Variants in PTPRD observed in about 807,000 individuals in gnomAD.
PTPRD encodes the protein receptor-type tyrosine-protein phosphatase delta.
Under a neutral mutation model 214.5 loss-of-function variants are expected in PTPRD, and 34 were observed. That is an observed-to-expected ratio of 0.16 (90% CI 0.12 to 0.21). PTPRD has a LOEUF of 0.21. PTPRD is among the 10% of genes least tolerant of loss of function. The pLI is 1.00. For missense variants in PTPRD, 2,545 were observed against 2,398.7 expected, an observed-to-expected ratio of 1.06 and a Z score of -1.27; for synonymous variants, 1,128 against 845.7, an observed-to-expected ratio of 1.33 and a Z score of -5.79.
intron 11 of PTPRD, among the ~76,000 whole-genome samples, chr9:8,826,459 G>A (rs1475180416): frequency 6.6e-6 from 1 of 151,930 alleles, no homozygotes; most frequent in Non-Finnish European, 1.5e-5. Flanking sequence ...GACTCACCCA[G>A]TCCACCACCC....
chr9:10,475,246 A>G (rs1006569215), intron 2 of PTPRD, among the ~76,000 whole-genome samples: 8 of 152,258 alleles, frequency 5.3e-5, no homozygotes, highest in South Asian at 4.1e-4. Flanking sequence ...TAGCCAGACT[A>G]ATAAAGAAGA....
chr9:10,310,477 C>A (rs592682), intron 3 of PTPRD, among the ~76,000 whole-genome samples: 41,927 of 151,636 alleles, frequency 0.28, 7,044 homozygotes, highest in African/African-American at 0.48. Flanking sequence ...CAATATAAAC[C>A]TCATGCAGAT....
At chr9:8,895,993 G>C (rs2154246679) in intron 11 of PTPRD, among the ~76,000 whole-genome samples, 1 of 152,198 alleles carries the variant, frequency 6.6e-6, no homozygotes, top group African/African-American at 2.4e-5. Flanking sequence ...AAAATCAAGA[G>C]AGCTATTTAA....
intron 11 of PTPRD, among the ~76,000 whole-genome samples, chr9:8,849,410 T>C (rs1207113469): frequency 6.6e-6 from 1 of 152,036 alleles, no homozygotes; most frequent in Non-Finnish European, 1.5e-5. Context: ...GTATTTTTAG[T>C]GGAGACGGGG....
At position 8,571,569 on chromosome 9, in the gene PTPRD, T is replaced by C. The variant is rs189603383; in HGVS notation, c.353-42790A>G. Among the ~76,000 whole-genome samples, 5 of 152,270 alleles carry C rather than the reference T, an allele frequency of 3.3e-5. No homozygotes were observed. The East Asian group carries it at 9.7e-4, about 29-fold the overall frequency. On this transcript the variant is annotated intron_variant, in intron 14 of 45. Coordinates refer to ENST00000381196, the MANE Select transcript of PTPRD (RefSeq NM_002839.4). The stretch of plus-strand genomic sequence containing the variant: ...AAATCAATGGTTTTCTTCACAAACC[T>C]TGCTGAGAAAAGCAATATTACTATT...
chr9:8,972,553 G>T (rs776204145), intron 11 of PTPRD, among the ~76,000 whole-genome samples: 50 of 151,846 alleles, frequency 3.3e-4, no homozygotes, highest in Non-Finnish European at 6.9e-4. Flanking sequence ...AGGGAAGAAT[G>T]AAAGAAAAGA....
At chr9:8,645,615 T>C (rs1211330040) in intron 12 of PTPRD, among the ~76,000 whole-genome samples, 1 of 151,970 alleles carries the variant, frequency 6.6e-6, no homozygotes, top group African/African-American at 2.4e-5. Context: ...AAAGGGCTGA[T>C]AGGCACACTG....
intron 11 of PTPRD, among the ~76,000 whole-genome samples, chr9:8,812,318 C>G (rs2096825742): frequency 6.6e-6 from 1 of 152,040 alleles, no homozygotes; most frequent in Non-Finnish European, 1.5e-5. Context: ...GCATAAGAAT[C>G]TATATAAATG....
At chr9:10,349,841 T>C (rs542053023) in intron 2 of PTPRD, among the ~76,000 whole-genome samples, 2 of 152,286 alleles carry the variant, frequency 1.3e-5, no homozygotes, top group African/African-American at 4.8e-5. Flanking sequence ...TTTGTATTTT[T>C]AATAGAGACA....
intron 11 of PTPRD, among the ~76,000 whole-genome samples, chr9:8,751,282 G>A (rs2093498116): frequency 1.3e-5 from 2 of 151,556 alleles, no homozygotes; most frequent in South Asian, 2.1e-4. Context: ...TCTCATTTGC[G>A]TTCCTGAAAA....
chr9:9,299,362 C>CT lies in PTPRD; in HGVS notation c.-203+98086dup, dbSNP rs1954366077. Among the ~76,000 whole-genome samples, 3 of 151,770 alleles carry CT rather than the reference C, an allele frequency of 2.0e-5. No homozygotes were observed. In the South Asian group the frequency reaches 6.2e-4, roughly 31 times the overall value. ...ATTTAATGATTTTCAAGGGCTGCTA[C>CT]TGGCATCTGGTGGGTAGAGCCTGAG... On this transcript the variant is annotated intron_variant, in intron 9 of 45. Coordinates refer to ENST00000381196, the MANE Select transcript of PTPRD (RefSeq NM_002839.4).
chr9:10,001,067 G>C (rs116178923), intron 4 of PTPRD, among the ~76,000 whole-genome samples: 1 of 152,040 alleles, frequency 6.6e-6, no homozygotes, highest in Non-Finnish European at 1.5e-5. Context: ...TCTCTGTAGC[G>C]GGGAGCTTTT....
chr9:10,062,826 T>A (rs2154170951), intron 3 of PTPRD, among the ~76,000 whole-genome samples: 1 of 152,180 alleles, frequency 6.6e-6, no homozygotes, highest in Admixed American at 6.6e-5. Flanking sequence ...TTGGAATTTC[T>A]GAGTCATGCC....
At chr9:8,439,771 T>C (rs954295802) in intron 34 of PTPRD, among the ~76,000 whole-genome samples, 11 of 152,156 alleles carry the variant, frequency 7.2e-5, no homozygotes, top group African/African-American at 1.9e-4. Flanking sequence ...TAAACAAATA[T>C]GTTAGATTTT....
At chr9:10,127,182 C>T (rs532941394) in intron 3 of PTPRD, among the ~76,000 whole-genome samples, 13 of 152,080 alleles carry the variant, frequency 8.5e-5, no homozygotes, top group Middle Eastern at 3.4e-3. Flanking sequence ...GTTCTTCTAG[C>T]AAAGCACTGA....
chr9:9,303,825 A>T (rs1308801548), intron 9 of PTPRD, among the ~76,000 whole-genome samples: 1 of 152,148 alleles, frequency 6.6e-6, no homozygotes, highest in Non-Finnish European at 1.5e-5. Context: ...ACAAACAAAC[A>T]CTGGCAACCA....
intron 9 of PTPRD, among the ~76,000 whole-genome samples, chr9:9,243,438 C>T (rs894567891): frequency 1.3e-5 from 2 of 152,056 alleles, no homozygotes; most frequent in African/African-American, 4.8e-5. Flanking sequence ...AAAGCTTATC[C>T]ACCATAATCA....
intron 4 of PTPRD, among the ~76,000 whole-genome samples, chr9:9,988,073 G>T (rs1428491801): frequency 6.6e-6 from 1 of 152,076 alleles, no homozygotes; most frequent in Non-Finnish European, 1.5e-5. Context: ...GAAAATACAA[G>T]AATATTTATT....
chr9:8,692,567 C>T (rs1287305812), intron 12 of PTPRD, among the ~76,000 whole-genome samples: 1 of 152,168 alleles, frequency 6.6e-6, no homozygotes, highest in Non-Finnish European at 1.5e-5. Flanking sequence ...CTAGCAATCT[C>T]TACCATAGGA....
Sources: allele counts gnomAD v4.1 joint callset (sites outside exome capture counted in the v4.1 genomes callset), GRCh38; gene constraint gnomAD v4.1.1; transcripts MANE v1.5; gene names NCBI Gene and HGNC (gene_info 2026-07-23, HGNC 2026-07-21).